The following CCDC102B variants were observed in gnomAD, a reference collection of about 807,000 sequenced individuals.
CCDC102B encodes coiled-coil domain containing 102B, also known as coiled-coil domain-containing protein 102B.
CCDC102B carries 75 observed loss-of-function variants against 57.4 expected under a neutral mutation model. The ratio of observed to expected loss-of-function variants is 1.31; its 90% CI spans 1.08 to 1.58. The LOEUF is 1.58. Among genes scored for constraint, CCDC102B ranks in the 40% most tolerant of loss-of-function variants. CCDC102B has a pLI of 0.00. For missense variants in CCDC102B, 636 were observed against 582.6 expected, an observed-to-expected ratio of 1.09 and a Z score of -0.94; for synonymous variants, 206 against 201.9, an observed-to-expected ratio of 1.02 and a Z score of -0.17.
chr18:68,973,385 T>C (rs527404287), intron 6 of CCDC102B, among the ~76,000 whole-genome samples: 1 of 152,232 alleles, frequency 6.6e-6, no homozygotes, highest in Non-Finnish European at 1.5e-5. Flanking sequence ...GTTGTAATAG[T>C]AGTGCCATTA....
At position 68,837,386 on chromosome 18, in the gene CCDC102B, G is replaced by A. The variant is rs1274272177; in HGVS notation, c.606+17G>A. 5 of 1,590,736 alleles carry A rather than the reference G, an allele frequency of 3.1e-6. No homozygotes were observed. Among genetic ancestry groups the A allele is most frequent in the Non-Finnish European group, 4.3e-6 (5 of 1,169,448 alleles). On this transcript the variant is annotated intron_variant, in intron 2 of 7. Transcript: ENST00000360242. ...AATAATAAGGTAAGAAAAAAATCCAGAGATGATGTGAATTTCTGAAGGTCA... is the reference window on the plus strand; with the variant it reads ...AATAATAAGGTAAGAAAAAAATCCAAAGATGATGTGAATTTCTGAAGGTCA...
intron 2 of CCDC102B, among the ~76,000 whole-genome samples, chr18:68,792,086 A>G (rs2035481154): frequency 6.6e-6 from 1 of 152,206 alleles, no homozygotes; most frequent in African/African-American, 2.4e-5. Context: ...GAAGCTGAGT[A>G]CATCCTACTA....
At chr18:68,889,150 T>C (rs2039987916) in intron 5 of CCDC102B, among the ~76,000 whole-genome samples, 1 of 152,102 alleles carries the variant, frequency 6.6e-6, no homozygotes, top group African/African-American at 2.4e-5. Flanking sequence ...TCTGCCAAAA[T>C]TCACATATTG....
chr18:68,960,642 G>T (rs1599757637), intron 6 of CCDC102B, among the ~76,000 whole-genome samples: 2 of 152,170 alleles, frequency 1.3e-5, no homozygotes, highest in Admixed American at 1.3e-4. Context: ...AAACCTGAGA[G>T]CATTATAGTC....
At chr18:68,876,150 T>C (rs1223785355) in intron 5 of CCDC102B, among the ~76,000 whole-genome samples, 2 of 152,214 alleles carry the variant, frequency 1.3e-5, no homozygotes, top group African/African-American at 4.8e-5. Context: ...TAAAAGTTTA[T>C]TTAATAGTTA....
Position 69,011,076 on chromosome 18 carries a change from A to G in CCDC102B, c.1406A>G (p.Lys469Arg). The G allele has an allele frequency of 1.9e-6, 3 of 1,613,796 alleles. No individual in the cohort carries two copies. Among genetic ancestry groups the G allele is most frequent in the Non-Finnish European group, 2.5e-6 (3 of 1,179,862 alleles). Residue 469 changes from lysine to arginine, a missense_variant, in exon 7 of 8, where the codon AAG (lysine) becomes AGG (arginine). Coordinates refer to ENST00000360242, the MANE Select transcript of CCDC102B (RefSeq NM_024781.3). ...CTAAGATTACGAGTGGAAGAACTAA[A>G]GCAGGGACTCAATCAAAAAGAAGAT... is the stretch of plus-strand genomic sequence containing the variant. ...KKLRLRVEEL[K>R]QGLNQKEDEL...
In CCDC102B at chr18:68,765,314, AAG is replaced by A. The variant is rs1568238602; in HGVS notation, c.-67+48721_-67+48722del. ...AAAGAAAGGAAGGAAGGAAGGAAGG[AAG>A]GAAGGAAGGAAAGAAAGAAAGAAAG... is the stretch of plus-strand genomic sequence containing the variant. On this transcript the variant is annotated intron_variant, in intron 2 of 3. Transcript: ENST00000578970. 6.7e-4 allele frequency among the ~76,000 whole-genome samples: 42 copies of A among 62,864 alleles called. No individual in the cohort carries two copies. In the East Asian group the frequency reaches 7.1e-3, roughly 11 times the overall value. 41.2% of individuals were successfully genotyped at this position (62,864 alleles called of 152,430 possible).
At chr18:68,813,774 T>TTATATATATATA (rs142225933) in intron 1 of CCDC102B, among the ~76,000 whole-genome samples, 1,488 of 145,914 alleles carry the variant, frequency 0.01, 18 homozygotes, top group African/African-American at 0.033. Flanking sequence ...AAATATAATT[T>TTATATATATATA]TATATATATA....
chr18:68,940,829 C>T (rs929385788), intron 6 of CCDC102B, among the ~76,000 whole-genome samples: 4 of 151,908 alleles, frequency 2.6e-5, no homozygotes, highest in South Asian at 2.1e-4. Context: ...AGTTTTGTGG[C>T]ATATAGTATT....
chr18:68,947,367 C>T (rs1300776602), intron 6 of CCDC102B, among the ~76,000 whole-genome samples: 2 of 151,966 alleles, frequency 1.3e-5, no homozygotes, highest in African/African-American at 4.8e-5. Flanking sequence ...GCAATATTCC[C>T]AGTACTTACA....
At chr18:68,836,083 C>A (rs2037354657) in intron 1 of CCDC102B, among the ~76,000 whole-genome samples, 1 of 152,040 alleles carries the variant, frequency 6.6e-6, no homozygotes. Flanking sequence ...ATAAAGAAAA[C>A]CATTATGTAG....
At chr18:68,870,162 AG>A (rs1420038919) in intron 4 of CCDC102B, among the ~76,000 whole-genome samples, 3 of 151,980 alleles carry the variant, frequency 2.0e-5, no homozygotes, top group African/African-American at 7.2e-5. Context: ...ACATAGACAC[AG>A]GGAGGGGAAC....
At chr18:68,981,334 G>A (rs1301849688) in intron 6 of CCDC102B, among the ~76,000 whole-genome samples, 1 of 151,998 alleles carries the variant, frequency 6.6e-6, no homozygotes, top group Non-Finnish European at 1.5e-5. Context: ...TCTTGTTTTC[G>A]AGGGAAGTTT....
At chr18:69,005,562 A>G (rs2145372466) in intron 6 of CCDC102B, among the ~76,000 whole-genome samples, 1 of 152,144 alleles carries the variant, frequency 6.6e-6, no homozygotes, top group African/African-American at 2.4e-5. Flanking sequence ...CCAGCCTCTC[A>G]TTATGTCATT....
chr18:68,824,219 T>A (rs951539734), intron 1 of CCDC102B, among the ~76,000 whole-genome samples: 4 of 152,132 alleles, frequency 2.6e-5, no homozygotes, highest in African/African-American at 9.7e-5. Flanking sequence ...CCATCTTGAG[T>A]TAGTGTTTAT....
chr18:68,843,821 A>G (rs888275863), intron 3 of CCDC102B, among the ~76,000 whole-genome samples: 3 of 152,132 alleles, frequency 2.0e-5, no homozygotes, highest in African/African-American at 7.2e-5. Context: ...TTATTCATCA[A>G]TTTTGAAAAT....
At chr18:69,043,410 G>T (rs940772431) in intron 7 of CCDC102B, among the ~76,000 whole-genome samples, 2 of 151,970 alleles carry the variant, frequency 1.3e-5, no homozygotes, top group South Asian at 4.1e-4. Context: ...TATGGGTGTC[G>T]GGCTTGGGGA....
At chr18:68,763,976 T>C (rs1181488108) in intron 2 of CCDC102B, among the ~76,000 whole-genome samples, 3 of 152,140 alleles carry the variant, frequency 2.0e-5, no homozygotes, top group Non-Finnish European at 2.9e-5. Flanking sequence ...TCTATTCTCA[T>C]AGCTTCATAA....
chr18:68,882,800 T>C (rs962908418), intron 5 of CCDC102B, among the ~76,000 whole-genome samples: 1 of 152,182 alleles, frequency 6.6e-6, no homozygotes, highest in Non-Finnish European at 1.5e-5. Context: ...GTGTTTGGAA[T>C]GTAACCATAA....
Sources: gnomAD v4.1 joint callset for allele counts (sites outside exome capture counted in the v4.1 genomes callset) on GRCh38, gnomAD v4.1.1 for gene constraint, MANE v1.5 for transcripts, NCBI Gene and HGNC (gene_info 2026-07-23, HGNC 2026-07-21) for gene names.